Variants in CNNM2 observed in about 807,000 individuals in gnomAD.
The protein encoded by CNNM2 is metal transporter CNNM2.
CNNM2 carries 12 observed loss-of-function variants against 66.9 expected under a neutral mutation model. That is an observed-to-expected ratio of 0.18 (90% CI 0.11 to 0.29). The LOEUF (loss-of-function observed/expected upper bound fraction) is 0.29. Ranked by LOEUF, CNNM2 falls within the 10% of genes least tolerant of loss-of-function variation. CNNM2 has a pLI of 1.00. For missense variants in CNNM2, 705 were observed against 1,167.7 expected, an observed-to-expected ratio of 0.60 and a Z score of 5.77; for synonymous variants, 557 against 501.8, an observed-to-expected ratio of 1.11 and a Z score of -1.47.
intron 1 of CNNM2, among the ~76,000 whole-genome samples, chr10:102,978,192 A>G (rs1461651471): frequency 6.7e-6 from 1 of 148,750 alleles, no homozygotes; most frequent in Non-Finnish European, 1.5e-5. Flanking sequence ...GACGGACGTA[A>G]GCCACCATGC....
At chr10:102,986,267 T>C (rs2063795553) in intron 1 of CNNM2, among the ~76,000 whole-genome samples, 1 of 152,088 alleles carries the variant, frequency 6.6e-6, no homozygotes, top group Non-Finnish European at 1.5e-5. Flanking sequence ...TTCTATCTTA[T>C]TTTTTTGAGG....
At chr10:102,981,721 T>C (rs2063723874) in intron 1 of CNNM2, among the ~76,000 whole-genome samples, 1 of 152,042 alleles carries the variant, frequency 6.6e-6, no homozygotes, top group African/African-American at 2.4e-5. Flanking sequence ...TTTGATCTTG[T>C]GTATCAGTTA....
At chr10:102,985,235 C>G (rs904389851) in intron 1 of CNNM2, among the ~76,000 whole-genome samples, 1 of 151,974 alleles carries the variant, frequency 6.6e-6, no homozygotes, top group Admixed American at 6.6e-5. Context: ...AATAGCGGAT[C>G]CTTTCCATCT....
chr10:103,046,148 T>C (rs2065124062), intron 1 of CNNM2, among the ~76,000 whole-genome samples: 1 of 152,260 alleles, frequency 6.6e-6, no homozygotes, highest in African/African-American at 2.4e-5. Flanking sequence ...ACAACAATCC[T>C]ATTGCAGTAA....
chr10:103,034,778 A>G (rs1214484397), intron 1 of CNNM2, among the ~76,000 whole-genome samples: 1 of 152,100 alleles, frequency 6.6e-6, no homozygotes, highest in Non-Finnish European at 1.5e-5. Context: ...CATCCTGGCT[A>G]ACAAGGTGAA....
At chr10:102,964,849 A>G (rs578067590) in intron 1 of CNNM2, among the ~76,000 whole-genome samples, 1 of 152,274 alleles carries the variant, frequency 6.6e-6, no homozygotes, top group Admixed American at 6.5e-5. Context: ...GGCTAACGTG[A>G]TAGTGTTAAG....
chr10:102,958,054 A>T (rs1259721988), intron 1 of CNNM2, among the ~76,000 whole-genome samples: 1 of 152,282 alleles, frequency 6.6e-6, no homozygotes, highest in East Asian at 1.9e-4. Context: ...TTCCTGCCTC[A>T]GCATCCTGAG....
rs12765531 is a variant in CNNM2, at chr10:102,949,261, C to T, written c.1621+29160C>T. The stretch of plus-strand genomic sequence containing the variant: ...TGTGATCTCGGCTCACCGCAACCTC[C>T]GCCTCCCCGATTCAAGCAATTCTCC... On this transcript the variant is annotated intron_variant, in intron 1 of 7. Coordinates refer to ENST00000369878, the MANE Select transcript of CNNM2 (RefSeq NM_017649.5). Among the ~76,000 whole-genome samples the T allele has an allele frequency of 0.2, 30,836 of 151,722 alleles. 3,273 individuals are homozygous for T. The highest frequency in any genetic ancestry group is 0.22 in the Non-Finnish European group (15,058 of 67,850).
In CNNM2 at chr10:103,086,736, A is replaced by C. The variant is rs1041636258; in HGVS notation, c.*9556A>C. ...CTAAAAGTATCTTAGGGTAGCTTGA[A>C]GGGTTTGCGTTATTATTTTAGGTCT... On this transcript the variant is annotated 3_prime_UTR_variant, in exon 8 of 8. Transcript: ENST00000369878. 6.6e-6 allele frequency: 1 copy of C among 152,298 alleles called. No homozygotes were observed. Among genetic ancestry groups the C allele is most frequent in the African/African-American group, 2.4e-5 (1 of 41,546 alleles). The allele number at this position is 152,298 out of a possible 1,614,324, so 9.4% of individuals were successfully genotyped here.
At chr10:103,008,387 C>T (rs960484929) in intron 1 of CNNM2, among the ~76,000 whole-genome samples, 3 of 152,148 alleles carry the variant, frequency 2.0e-5, no homozygotes, top group Non-Finnish European at 4.4e-5. Context: ...TGTGTGATGG[C>T]ATGTGTTGTA....
intron 1 of CNNM2, among the ~76,000 whole-genome samples, chr10:102,988,633 C>A (rs554355880): frequency 9.9e-5 from 15 of 152,274 alleles, no homozygotes; most frequent in African/African-American, 3.4e-4. Flanking sequence ...CCAGGGACCT[C>A]AGCTCATCAT....
At chr10:102,944,556 A>C (rs1394634749) in intron 1 of CNNM2, among the ~76,000 whole-genome samples, 1 of 149,928 alleles carries the variant, frequency 6.7e-6, no homozygotes, top group Non-Finnish European at 1.5e-5. Context: ...CCAGTTGTTA[A>C]TATTTTGCCA....
At chr10:102,931,451 G>C (rs540045555) in intron 1 of CNNM2, among the ~76,000 whole-genome samples, 1 of 151,244 alleles carries the variant, frequency 6.6e-6, no homozygotes, top group Non-Finnish European at 1.5e-5. Context: ...CCGCCTTCCC[G>C]GGTTCAAGTG....
At chr10:102,991,825 C>A (rs1343111938) in intron 1 of CNNM2, among the ~76,000 whole-genome samples, 1 of 152,144 alleles carries the variant, frequency 6.6e-6, no homozygotes, top group African/African-American at 2.4e-5. Flanking sequence ...GTGCTTGAGT[C>A]TACTTTGAAA....
rs757625493 is a variant in CNNM2 at position 102,919,494 on chromosome 10, C to T, written c.1014C>T (p.Ala338=). The change falls in exon 1 of 8, where the codon GCC becomes GCT. Residue 338 remains alanine, a synonymous_variant. Transcript: ENST00000369878. ...TCACCATCCTGCTCGACGACATCGCCGGCTCGGGCCTCGTGGCCGTGGTAG... is the reference window on the plus strand; with the variant it reads ...TCACCATCCTGCTCGACGACATCGCTGGCTCGGGCCTCGTGGCCGTGGTAG... The part of the protein sequence containing the change: ...TTLTILLDDI[A]GSGLVAVVVS... The T allele has an allele frequency of 9.3e-6, 15 of 1,612,722 alleles. No individual in the cohort carries two copies. Among genetic ancestry groups the T allele is most frequent in the South Asian group, 6.6e-5 (6 of 91,082 alleles).
intron 1 of CNNM2, among the ~76,000 whole-genome samples, chr10:103,048,714 A>G (rs921646581): frequency 1.3e-5 from 2 of 152,182 alleles, no homozygotes; most frequent in African/African-American, 4.8e-5. Flanking sequence ...CTTGCAAGTC[A>G]ATCACAAGAG....
At chr10:102,923,227 CTTTA>C (rs1315483615) in intron 1 of CNNM2, among the ~76,000 whole-genome samples, 1 of 151,896 alleles carries the variant, frequency 6.6e-6, no homozygotes, top group East Asian at 1.9e-4. Flanking sequence ...AAACTCTTGG[CTTTA>C]TTTGAGACAG....
chr10:102,919,455 G>A lies in CNNM2; in HGVS notation c.975G>A (p.Leu325=). The change falls in exon 1 of 8, where the codon CTG becomes CTA. Residue 325 remains leucine, a synonymous_variant. Transcript: ENST00000369878. ...LLCSLLLGNV[L]VNTTLTILLD... is the part of the protein sequence containing the mutation. ...GCTCACTGCTGCTGGGCAACGTGCTGGTCAACACCACGCTCACCATCCTGC... is the reference window on the plus strand; with the variant it reads ...GCTCACTGCTGCTGGGCAACGTGCTAGTCAACACCACGCTCACCATCCTGC... 1 of 1,611,910 alleles carries A rather than the reference G, an allele frequency of 6.2e-7. No individual in the cohort carries two copies. The highest frequency in any genetic ancestry group is 8.5e-7 in the Non-Finnish European group (1 of 1,180,018).
chr10:102,919,701 C>T lies in CNNM2; in HGVS notation c.1221C>T (p.Thr407=). The change falls in exon 1 of 8, where the codon ACC becomes ACT. Residue 407 remains threonine, a synonymous_variant. Coordinates refer to ENST00000369878, the MANE Select transcript of CNNM2 (RefSeq NM_017649.5). ...GCGTCCTGGGCCAGGAGATAGGCAC[C>T]GTCTATAACCGGGAAAAACTGCTGG... is the stretch of plus-strand genomic sequence containing the variant. ...LDCVLGQEIG[T]VYNREKLLEM... 2 of 1,614,202 alleles carry T rather than the reference C, an allele frequency of 1.2e-6. No individual in the cohort carries two copies. The highest frequency in any genetic ancestry group is 1.7e-6 in the Non-Finnish European group (2 of 1,180,022).
Sources: gnomAD v4.1 joint callset for allele counts (sites outside exome capture counted in the v4.1 genomes callset) on GRCh38, gnomAD v4.1.1 for gene constraint, MANE v1.5 for transcripts, NCBI Gene and HGNC (gene_info 2026-07-23, HGNC 2026-07-21) for gene names.